Variants in C1orf116 observed in about 807,000 individuals in gnomAD.
C1orf116 encodes the protein chromosome 1 open reading frame 116.
A neutral mutation model predicts 14.1 loss-of-function variants in C1orf116; 12 were observed. The ratio of observed to expected loss-of-function variants is 0.85; its 90% CI spans 0.54 to 1.38. C1orf116 has a LOEUF of 1.38. Ranked by LOEUF, C1orf116 falls within the 40% of genes most tolerant of loss-of-function variation. The probability of loss-of-function intolerance (pLI) is 0.00; values close to 1 mark genes in which losing one functional copy is unlikely to be tolerated. For missense variants in C1orf116, 797 were observed against 747.0 expected, an observed-to-expected ratio of 1.07 and a Z score of -0.78; for synonymous variants, 296 against 299.0, an observed-to-expected ratio of 0.99 and a Z score of 0.10.
rs760080872 is a variant in C1orf116, at chr1:207,022,792, G to T, written c.972C>A (p.Arg324=). 2 of 1,614,024 alleles carry T rather than the reference G, an allele frequency of 1.2e-6. No individual in the cohort carries two copies. Among genetic ancestry groups the T allele is most frequent in the African/African-American group, 1.3e-5 (1 of 74,940 alleles). ...AATCTCCAGGGGCAGCCTCAGTGTG[G>T]CGGGACAGCCAGTGCTGGGGGTCAC... ...FHSDPQHWLS[R]HTEAAPGDSG... Residue 324 remains arginine (R), a synonymous_variant, in exon 4 of 4, where the codon CGC becomes CGA. Coordinates refer to ENST00000359470, the MANE Select transcript of C1orf116 (RefSeq NM_023938.6).
intron 1 of C1orf116, among the ~76,000 whole-genome samples, chr1:207,030,210 T>A (rs1420496488): frequency 6.6e-6 from 1 of 152,196 alleles, no homozygotes; most frequent in Non-Finnish European, 1.5e-5. Context: ...GTTTTCTTCA[T>A]TTTACGGGTG....
intron 2 of C1orf116, among the ~76,000 whole-genome samples, chr1:207,026,571 TCTCTA>T (rs1481058871): frequency 1.3e-5 from 2 of 152,240 alleles, no homozygotes; most frequent in African/African-American, 4.8e-5. Context: ...TGTGTTTCTT[TCTCTA>T]CTCTATTTTT....
intron 2 of C1orf116, among the ~76,000 whole-genome samples, chr1:207,025,802 G>C (rs1682058800): frequency 6.6e-6 from 1 of 152,216 alleles, no homozygotes; most frequent in Non-Finnish European, 1.5e-5. Flanking sequence ...TAACTTAAAG[G>C]GGGAGGTTGG....
At position 207,022,772 on chromosome 1, in the gene C1orf116, C is replaced by G. The variant is rs1156822576; in HGVS notation, c.992G>C (p.Gly331Ala). 7 of 1,614,208 alleles carry G rather than the reference C, an allele frequency of 4.3e-6. No individual in the cohort carries two copies. Among genetic ancestry groups the G allele is most frequent in the Non-Finnish European group, 5.9e-6 (7 of 1,180,036 alleles). The part of the protein sequence containing the change: ...WLSRHTEAAP[G>A]DSGLISCSLQ... Reference sequence around the variant, plus strand: ...TGAACAGGAGATCAGGCCAGAATCTCCAGGGGCAGCCTCAGTGTGGCGGGA... The same window carrying G: ...TGAACAGGAGATCAGGCCAGAATCTGCAGGGGCAGCCTCAGTGTGGCGGGA... The change falls in exon 4 of 4, where the codon GGA (glycine) becomes GCA (alanine). Residue 331 changes from glycine (G) to alanine (A), a missense_variant. Coordinates refer to ENST00000359470, the MANE Select transcript of C1orf116 (RefSeq NM_023938.6).
intron 1 of C1orf116, among the ~76,000 whole-genome samples, chr1:207,030,591 C>T (rs1034506819): frequency 1.3e-5 from 2 of 152,150 alleles, no homozygotes; most frequent in African/African-American, 4.8e-5. Context: ...CAAAGCTGAG[C>T]GAGGCGCTGT....
At chr1:207,029,537 G>A (rs1003420128) in intron 1 of C1orf116, among the ~76,000 whole-genome samples, 1 of 152,260 alleles carries the variant, frequency 6.6e-6, no homozygotes, top group South Asian at 2.1e-4. Flanking sequence ...CTCCATCTCT[G>A]TGAGTCTAGG....
At chr1:207,025,167 G>T in intron 2 of C1orf116, 103 bp from the exon 3 acceptor site, 1 of 890,484 alleles carries the variant, frequency 1.1e-6, no homozygotes. Flanking sequence ...TCCCTCCGCA[G>T]AAACTGGCGG....
rs1681862394 is a variant in C1orf116 at position 207,021,869 on chromosome 1, G to A, written c.*89C>T. ...AATCTCTCCCTCCCATTCATCTTGA[G>A]CCCTGAGTTGCGTGGTGGCAAAGGC... On this transcript the variant is annotated 3_prime_UTR_variant, in exon 4 of 4. Transcript: ENST00000359470. 1 of 1,317,814 alleles carries A rather than the reference G, an allele frequency of 7.6e-7. No individual in the cohort carries two copies. Among genetic ancestry groups the A allele is most frequent in the Non-Finnish European group, 1.0e-6 (1 of 979,978 alleles). The allele number at this position is 1,317,814 out of a possible 1,614,324, so 81.6% of individuals were successfully genotyped here. A position where few individuals can be genotyped will look rare whatever the true frequency, so the allele number is the denominator to read the frequency against.
At position 207,021,929 on chromosome 1, in the gene C1orf116, C is replaced by A. The variant is rs979131529; in HGVS notation, c.*29G>T. The A allele has an allele frequency of 6.8e-7, 1 of 1,481,128 alleles. No homozygotes were observed. Among genetic ancestry groups the A allele is most frequent in the African/African-American group, 1.4e-5 (1 of 71,098 alleles). The allele number at this position is 1,481,128 out of a possible 1,614,324, so 91.7% of individuals were successfully genotyped here. On this transcript the variant is annotated 3_prime_UTR_variant, in exon 4 of 4. Coordinates refer to ENST00000359470, the MANE Select transcript of C1orf116 (RefSeq NM_023938.6). ...GAGCATGTGTCTCTTCTTGTTCAGC[C>A]AGGACAGGGTCTGTACTGGTCGCAG...
intron 1 of C1orf116, among the ~76,000 whole-genome samples, chr1:207,029,235 A>G (rs906337657): frequency 2.6e-5 from 4 of 152,064 alleles, no homozygotes; most frequent in Non-Finnish European, 5.9e-5. Flanking sequence ...CTAGTGAGCC[A>G]GACATCTGGT....
At chr1:207,031,272 A>G (rs955903718) in intron 1 of C1orf116, among the ~76,000 whole-genome samples, 1 of 152,228 alleles carries the variant, frequency 6.6e-6, no homozygotes, top group African/African-American at 2.4e-5. Flanking sequence ...GTGTTTAGGC[A>G]ACATTATCAT....
At chr1:207,027,434 G>T in intron 2 of C1orf116, 60 bp downstream of exon 2, 2 of 1,596,590 alleles carry the variant, frequency 1.3e-6, no homozygotes, top group Non-Finnish European at 8.6e-7. Context: ...ATAGGGCAGG[G>T]CAGGGCAGGG....
intron 1 of C1orf116, among the ~76,000 whole-genome samples, chr1:207,029,094 G>A (rs1178904458): frequency 6.6e-6 from 1 of 152,114 alleles, no homozygotes; most frequent in Non-Finnish European, 1.5e-5. Flanking sequence ...TGGGTTGGGT[G>A]AGTCAGCTTT....
chr1:207,021,312 T>C lies in C1orf116; in HGVS notation c.*646A>G, dbSNP rs188877174. The C allele has an allele frequency of 5.2e-5, 8 of 152,750 alleles. No homozygotes were observed. Among genetic ancestry groups the C allele is most frequent in the African/African-American group, 1.7e-4 (7 of 41,574 alleles). The allele number at this position is 152,750 out of a possible 1,614,324, so 9.5% of individuals were successfully genotyped here. On this transcript the variant is annotated 3_prime_UTR_variant, in exon 4 of 4. Coordinates refer to ENST00000359470, the MANE Select transcript of C1orf116 (RefSeq NM_023938.6). Reference sequence around the variant, plus strand: ...CAGACCAACAAGAGCTGTTCTGCTATCAATCAACCGAGAGATTGGGTTACA... The same window carrying C: ...CAGACCAACAAGAGCTGTTCTGCTACCAATCAACCGAGAGATTGGGTTACA...
At position 207,023,292 on chromosome 1, in the gene C1orf116, G is replaced by C; in HGVS notation, c.472C>G (p.Pro158Ala). 2 of 1,614,174 alleles carry C rather than the reference G, an allele frequency of 1.2e-6. No individual in the cohort carries two copies. The highest frequency in any genetic ancestry group is 2.2e-5 in the South Asian group (2 of 91,084). The change falls in exon 4 of 4, where the codon CCT (proline) becomes GCT (alanine). Residue 158 changes from proline (P) to alanine (A), a missense_variant. By Grantham distance (27) the Pro-to-Ala change is conservative. Coordinates refer to ENST00000359470, the MANE Select transcript of C1orf116 (RefSeq NM_023938.6). ...KSTTQASSHNPGEPGRLAPEP... is the reference protein window; with the variant it reads ...KSTTQASSHNAGEPGRLAPEP... ...GGCGCAAGCCTCCCCGGTTCTCCAGGGTTGTGACTGCTAGCCTGGGTGGTG... is the reference window on the plus strand; with the variant it reads ...GGCGCAAGCCTCCCCGGTTCTCCAGCGTTGTGACTGCTAGCCTGGGTGGTG...
intron 2 of C1orf116, among the ~76,000 whole-genome samples, chr1:207,026,311 T>C (rs1035326714): frequency 7.9e-5 from 12 of 152,356 alleles, no homozygotes; most frequent in African/African-American, 2.9e-4. Context: ...CAAGAGTTTC[T>C]TGAAGAAAAA....
chr1:207,023,578 C>G (rs1681960540), intron 3 of C1orf116, 98 bp from the exon 4 acceptor site: 1 of 1,450,042 alleles, frequency 6.9e-7, no homozygotes, highest in East Asian at 2.4e-5. Flanking sequence ...TTCCTGAACT[C>G]TGATCCCAAA....
rs1681794160 is a variant in C1orf116 at position 207,020,181 on chromosome 1, C to T, written c.*1777G>A. ...CTCATCAGCCGTGACAGACCAAGTC[C>T]TCACCCATGGCCAGGAATGAGGCAC... is the stretch of plus-strand genomic sequence containing the variant. On this transcript the variant is annotated 3_prime_UTR_variant, in exon 4 of 4. Transcript: ENST00000359470. The T allele has an allele frequency of 6.6e-6, 1 of 152,128 alleles. No individual in the cohort carries two copies. Among genetic ancestry groups the T allele is most frequent in the Non-Finnish European group, 1.5e-5 (1 of 68,002 alleles). The allele number at this position is 152,128 out of a possible 1,614,324, so 9.4% of individuals were successfully genotyped here. A position where few individuals can be genotyped will look rare whatever the true frequency, so the allele number is the denominator to read the frequency against.
chr1:207,031,237 T>C (rs1233770912), intron 1 of C1orf116, among the ~76,000 whole-genome samples: 1 of 152,264 alleles, frequency 6.6e-6, no homozygotes, highest in African/African-American at 2.4e-5. Flanking sequence ...TCTGTCTCCA[T>C]GAACACATGG....
Sources: gnomAD v4.1 joint callset for allele counts (sites outside exome capture counted in the v4.1 genomes callset) on GRCh38, gnomAD v4.1.1 for gene constraint, MANE v1.5 for transcripts, NCBI Gene and HGNC (gene_info 2026-07-23, HGNC 2026-07-21) for gene names.